ERICH3: variants seen among roughly 807,000 people sequenced by gnomAD.
ERICH3 encodes the protein glutamate-rich protein 3.
A neutral mutation model predicts 131.1 loss-of-function variants in ERICH3; 126 were observed. The ratio of observed to expected loss-of-function variants is 0.96; its 90% CI spans 0.83 to 1.11. ERICH3 has a LOEUF of 1.11. ERICH3 is among the 50% of genes most tolerant of loss of function. ERICH3 has a pLI of 0.00. For missense variants in ERICH3, 2,050 were observed against 1,810.7 expected (o/e 1.13, Z -2.40); for synonymous variants, 695 against 644.6 (o/e 1.08, Z -1.18).
At chr1:74,669,963 A>G (rs974140900) in intron 1 of ERICH3, among the ~76,000 whole-genome samples, 4 of 152,208 alleles carry the variant, frequency 2.6e-5, no homozygotes, top group African/African-American at 9.6e-5. Context: ...TAATGATAGA[A>G]AAGCCTTCTC....
intron 8 of ERICH3, among the ~76,000 whole-genome samples, chr1:74,619,140 G>T (rs59596845): frequency 0.12 from 18,831 of 152,120 alleles, 1,378 homozygotes; most frequent in South Asian, 0.25. Context: ...GTCCAATGCC[G>T]TAACAAAACA....
intron 11 of ERICH3, among the ~76,000 whole-genome samples, chr1:74,597,564 T>C (rs1223780053): frequency 1.4e-4 from 21 of 152,012 alleles, no homozygotes; most frequent in Admixed American, 1.2e-3. Flanking sequence ...ACAACGTTGC[T>C]AATTATAGAT....
In ERICH3 at chr1:74,571,804, G is replaced by T; in HGVS notation, c.3906C>A (p.Cys1302Ter). The change falls in exon 14 of 15, where the codon TGC (cysteine) becomes TGA (stop). Residue 1302 changes from cysteine (C) to a stop codon, truncating the protein, a stop_gained. Coordinates refer to ENST00000326665, the MANE Select transcript of ERICH3 (RefSeq NM_001002912.5). LOFTEE classifies it high-confidence loss of function. ...CCTGCATCGCTTCTGTCTCCAGAGT[G>T]CACTCTTTGTCCTCTTCCTCCTCTG... The part of the protein sequence containing the change: ...EDPEEEEDKE[C>*]TLETEAMQDR... 6.2e-7 allele frequency: 1 copy of T among 1,613,574 alleles called. No individual in the cohort carries two copies. Among genetic ancestry groups the T allele is most frequent in the Non-Finnish European group, 8.5e-7 (1 of 1,180,026 alleles).
Position 74,570,346 on chromosome 1 carries a change from A to G in ERICH3, c.*112T>C, listed in dbSNP as rs1646921736. 6.6e-6 allele frequency: 1 copy of G among 152,244 alleles called. No individual in the cohort carries two copies. Among genetic ancestry groups the G allele is most frequent in the Non-Finnish European group, 1.5e-5 (1 of 68,032 alleles). The allele number at this position is 152,244 out of a possible 1,614,324, so 9.4% of individuals were successfully genotyped here. On this transcript the variant is annotated 3_prime_UTR_variant, in exon 15 of 15. Coordinates refer to ENST00000326665, the MANE Select transcript of ERICH3 (RefSeq NM_001002912.5). Reference sequence around the variant, plus strand: ...TCTCAGACAAGCGCAACCAGCAACTAAAGAGGAGAGAGAGAAAATCAAGAA... The same window carrying G: ...TCTCAGACAAGCGCAACCAGCAACTGAAGAGGAGAGAGAGAAAATCAAGAA...
intron 9 of ERICH3, among the ~76,000 whole-genome samples, chr1:74,611,083 T>C (rs1218292200): frequency 2.6e-5 from 4 of 152,266 alleles, no homozygotes; most frequent in East Asian, 1.9e-4. Context: ...GTCATCTATA[T>C]GCAAACCATT....
In ERICH3 at chr1:74,572,102, G is replaced by A. The variant is rs898392028; in HGVS notation, c.3608C>T (p.Ala1203Val). The A allele has an allele frequency of 5.6e-6, 9 of 1,614,202 alleles. No homozygotes were observed. The highest frequency in any genetic ancestry group is 2.2e-5 in the East Asian group (1 of 44,872). ...REELSSRENR[A>V]LKEGHRQDGE... ...ATCTTGGCGGTGCCCTTCCTTCAGG[G>A]CCCTATTCTCCCTGCTGGACAGCTC... The change falls in exon 14 of 15, where the codon GCC (alanine) becomes GTC (valine). Residue 1203 changes from alanine (A) to valine (V), a missense_variant. By Grantham distance (64) the Ala-to-Val change is moderately conservative. Transcript: ENST00000326665.
At chr1:74,607,438 T>G (rs1201047876) in intron 9 of ERICH3, among the ~76,000 whole-genome samples, 1 of 151,988 alleles carries the variant, frequency 6.6e-6, no homozygotes, top group African/African-American at 2.4e-5. Flanking sequence ...AACAAAAGAC[T>G]TACAAGATTG....
rs1367929883 is a variant in ERICH3 at position 74,612,645 on chromosome 1, C to T, written c.1165G>A (p.Glu389Lys). ...TACTTGTAGCAAGGAGATGATCTCTCAACACACACAAACCCAAAGTAGCCT... is the reference window on the plus strand; with the variant it reads ...TACTTGTAGCAAGGAGATGATCTCTTAACACACACAAACCCAAAGTAGCCT... ...KRGYFGFVCV[E>K]RSSPCYKCII... Residue 389 changes from glutamate to lysine, a missense_variant, in exon 9 of 15, where the codon GAG becomes AAG. Physicochemically the swap from Glu to Lys is moderately conservative, Grantham distance 56. Coordinates refer to ENST00000326665, the MANE Select transcript of ERICH3 (RefSeq NM_001002912.5). 1 of 1,582,640 alleles carries T rather than the reference C, an allele frequency of 6.3e-7. No homozygotes were observed. Among genetic ancestry groups the T allele is most frequent in the Non-Finnish European group, 8.6e-7 (1 of 1,156,478 alleles).
rs1646921142 is a variant in ERICH3 at position 74,570,312 on chromosome 1, T to C, written c.*146A>G. On this transcript the variant is annotated 3_prime_UTR_variant, in exon 15 of 15. Transcript: ENST00000326665. ...GAGCTACTGACCAGGGCTGACAGAT[T>C]GGGAATCATCTCAGACAAGCGCAAC... is the stretch of plus-strand genomic sequence containing the variant. 6.6e-6 allele frequency: 1 copy of C among 152,172 alleles called. No homozygotes were observed. Among genetic ancestry groups the C allele is most frequent in the African/African-American group, 2.4e-5 (1 of 41,416 alleles). 9.4% of individuals were successfully genotyped at this position (152,172 alleles called of 1,614,324 possible). A position where few individuals can be genotyped will look rare whatever the true frequency, so the allele number is the denominator to read the frequency against.
intron 3 of ERICH3, among the ~76,000 whole-genome samples, chr1:74,646,466 G>A (rs1328224995): frequency 6.6e-6 from 1 of 152,044 alleles, no homozygotes. Context: ...GCTACCCAGA[G>A]AGATATTGAG....
intron 1 of ERICH3, among the ~76,000 whole-genome samples, chr1:74,656,204 C>T (rs1378173062): frequency 6.6e-6 from 1 of 152,122 alleles, no homozygotes; most frequent in African/African-American, 2.4e-5. Context: ...TACCCAGGCC[C>T]CCTCACCATG....
intron 2 of ERICH3, 44 bp from the exon 3 acceptor site, chr1:74,646,836 A>G (rs1286190429): frequency 8.2e-7 from 1 of 1,223,618 alleles, no homozygotes; most frequent in Non-Finnish European, 1.1e-6. Flanking sequence ...TAAAATAGAA[A>G]ATGTGGTGTT....
chr1:74,609,676 C>T (rs536295235), intron 9 of ERICH3, among the ~76,000 whole-genome samples: 32 of 152,052 alleles, frequency 2.1e-4, no homozygotes, highest in Admixed American at 1.5e-3. Flanking sequence ...CATCCAATGA[C>T]AATGCACTGT....
chr1:74,626,248 G>T (rs1350058252), intron 7 of ERICH3: 1 of 152,152 alleles, frequency 6.6e-6, no homozygotes. Context: ...AGAAATTATA[G>T]ATTTTGAGGC....
chr1:74,606,564 C>T (rs751509046), intron 10 of ERICH3, 37 bp downstream of exon 10: 1 of 1,544,550 alleles, frequency 6.5e-7, no homozygotes, highest in East Asian at 2.3e-5. Flanking sequence ...ACGAAACAGC[C>T]ACAGCTACAA....
In ERICH3 at chr1:74,606,860, C is replaced by T. The variant is rs375773806; in HGVS notation, c.1230G>A (p.Pro410=). Residue 410 remains proline, a synonymous_variant, in exon 10 of 15, where the codon CCG becomes CCA. Transcript: ENST00000326665. ...AMGLDKKPSL[P]KSRKEKSTEK... is the part of the protein sequence containing the mutation. Reference sequence around the variant, plus strand: ...CAGTGCTCTTTTCTTTCCTAGATTTCGGCAAAGACGGTTTTTTGTCAAGGC... The same window carrying T: ...CAGTGCTCTTTTCTTTCCTAGATTTTGGCAAAGACGGTTTTTTGTCAAGGC... 5.5e-5 allele frequency: 88 copies of T among 1,611,900 alleles called. No homozygotes were observed. The highest frequency in any genetic ancestry group is 3.3e-4 in the Middle Eastern group (2 of 6,068).
At chr1:74,665,133 C>T (rs1403154568) in intron 1 of ERICH3, among the ~76,000 whole-genome samples, 5 of 151,968 alleles carry the variant, frequency 3.3e-5, no homozygotes, top group Non-Finnish European at 7.4e-5. Flanking sequence ...TCAGAAAGCT[C>T]TCTCACCCCT....
chr1:74,660,577 A>G (rs1473008460), intron 1 of ERICH3, among the ~76,000 whole-genome samples: 1 of 146,186 alleles, frequency 6.8e-6, no homozygotes, highest in Non-Finnish European at 1.5e-5. Context: ...ATGTGTGCAC[A>G]CATTCAGACA....
intron 6 of ERICH3, among the ~76,000 whole-genome samples, chr1:74,632,686 TAAAC>T (rs1315442335): frequency 6.6e-6 from 1 of 151,898 alleles, no homozygotes; most frequent in Non-Finnish European, 1.5e-5. Context: ...TCACCGGGCT[TAAAC>T]AAAAATAACA....
Sources: gnomAD v4.1 joint callset for allele counts (sites outside exome capture counted in the v4.1 genomes callset) on GRCh38, gnomAD v4.1.1 for gene constraint, MANE v1.5 for transcripts, NCBI Gene and HGNC (gene_info 2026-07-23, HGNC 2026-07-21) for gene names.